The following HECW1 variants were observed in gnomAD, a reference collection of about 807,000 sequenced individuals.
HECW1 encodes the protein E3 ubiquitin-protein ligase HECW1.
HECW1 carries 61 observed loss-of-function variants against 182.3 expected under a neutral mutation model. The observed-to-expected ratio is 0.33, with a 90% CI of 0.27 to 0.41. The LOEUF is 0.41. Ranked by LOEUF, HECW1 falls within the 10% of genes least tolerant of loss-of-function variation. The probability of loss-of-function intolerance (pLI) is 1.00; values close to 1 mark genes in which losing one functional copy is unlikely to be tolerated. For synonymous variants in HECW1, 859 were observed against 832.6 expected (o/e 1.03, Z -0.55); for missense variants, 1,739 against 2,108.9 (o/e 0.82, Z 3.44).
At chr7:43,470,484 A>G (rs140364319) in intron 16 of HECW1, among the ~76,000 whole-genome samples, 128 of 152,314 alleles carry the variant, frequency 8.4e-4, no homozygotes, top group Admixed American at 1.3e-3. Flanking sequence ...TCCCAATGCA[A>G]TAAGCCCTAG....
intron 8 of HECW1, among the ~76,000 whole-genome samples, chr7:43,423,399 G>T (rs530162332): frequency 2.0e-5 from 3 of 152,188 alleles, no homozygotes; most frequent in Non-Finnish European, 4.4e-5. Context: ...TTCTGTTTAC[G>T]TGGGGTGGGA....
intron 3 of HECW1, among the ~76,000 whole-genome samples, chr7:43,263,701 A>T (rs1007475963): frequency 1.6e-4 from 25 of 152,156 alleles, no homozygotes; most frequent in African/African-American, 5.6e-4. Context: ...GAGAAATACT[A>T]GGAAACAGAG....
intron 3 of HECW1, among the ~76,000 whole-genome samples, chr7:43,263,725 G>A (rs995437099): frequency 1.3e-5 from 2 of 152,120 alleles, no homozygotes; most frequent in African/African-American, 4.8e-5. Context: ...AAGGGAGGGA[G>A]GAAGGTGGGA....
intron 2 of HECW1, among the ~76,000 whole-genome samples, chr7:43,171,175 G>T (rs1015540798): frequency 5.3e-5 from 8 of 152,132 alleles, no homozygotes; most frequent in Non-Finnish European, 1.0e-4. Flanking sequence ...TAAAATGCTT[G>T]ACTTTCTTAT....
chr7:43,284,107 C>G (rs533438833), intron 3 of HECW1, among the ~76,000 whole-genome samples: 1 of 152,094 alleles, frequency 6.6e-6, no homozygotes, highest in Non-Finnish European at 1.5e-5. Context: ...AAAGCAGGAC[C>G]GTGGGGCGGG....
chr7:43,147,874 A>G (rs6977016), intron 2 of HECW1, among the ~76,000 whole-genome samples: 68,103 of 151,760 alleles, frequency 0.45, 15,378 homozygotes, highest in African/African-American at 0.46. Context: ...GCATTGTTTT[A>G]CTAAACTTTA....
intron 4 of HECW1, among the ~76,000 whole-genome samples, chr7:43,315,928 A>G (rs1274691056): frequency 6.6e-6 from 1 of 152,166 alleles, no homozygotes; most frequent in African/African-American, 2.4e-5. Context: ...TGATGGGTGT[A>G]GGAGACCTGG....
At chr7:43,191,346 A>T (rs1448308460) in intron 2 of HECW1, among the ~76,000 whole-genome samples, 2 of 152,218 alleles carry the variant, frequency 1.3e-5, no homozygotes, top group African/African-American at 4.8e-5. Flanking sequence ...TAGCCAGCCT[A>T]TAGCTGTAGC....
chr7:43,294,219 C>T (rs1008918155), intron 3 of HECW1, among the ~76,000 whole-genome samples: 2 of 152,240 alleles, frequency 1.3e-5, no homozygotes, highest in African/African-American at 4.8e-5. Flanking sequence ...AAGGGTGCTG[C>T]ATCTCCTAGG....
intron 6 of HECW1, among the ~76,000 whole-genome samples, chr7:43,383,998 A>T (rs974244374): frequency 2.6e-4 from 40 of 152,178 alleles, no homozygotes; most frequent in African/African-American, 8.9e-4. Context: ...CATTACATTG[A>T]GTAGACTGAG....
chr7:43,157,841 A>T (rs1437653358), intron 2 of HECW1, among the ~76,000 whole-genome samples: 1 of 152,182 alleles, frequency 6.6e-6, no homozygotes, highest in Non-Finnish European at 1.5e-5. Flanking sequence ...GACTATAGGC[A>T]TGAGCCACCG....
chr7:43,448,045 G>C (rs1584939878), intron 11 of HECW1, among the ~76,000 whole-genome samples: 1 of 152,140 alleles, frequency 6.6e-6, no homozygotes, highest in East Asian at 1.9e-4. Context: ...TGAGGCAGGA[G>C]AATCACTTGA....
At chr7:43,321,224 C>T (rs867936591) in intron 5 of HECW1, among the ~76,000 whole-genome samples, 1 of 152,172 alleles carries the variant, frequency 6.6e-6, no homozygotes, top group African/African-American at 2.4e-5. Flanking sequence ...ACAGCTCCCC[C>T]GGAGGGCTGT....
At position 43,507,198 on chromosome 7, in the gene HECW1, C is replaced by G. The variant is rs747383735; in HGVS notation, c.3693C>G (p.Leu1231=). 1 of 1,614,078 alleles carries G rather than the reference C, an allele frequency of 6.2e-7. No homozygotes were observed. Among genetic ancestry groups the G allele is most frequent in the South Asian group, 1.1e-5 (1 of 91,078 alleles). ...ACCGAAGAGACTTTGAGGCCAAGCTCCGCAATTTCTACAGAAAACTGGAAG... is the reference window on the plus strand; with the variant it reads ...ACCGAAGAGACTTTGAGGCCAAGCTGCGCAATTTCTACAGAAAACTGGAAG... ...SPYRRDFEAK[L]RNFYRKLEAK... is the part of the protein sequence containing the mutation. The change falls in exon 22 of 30, where the codon CTC becomes CTG. Residue 1231 remains leucine (L), a synonymous_variant. Coordinates refer to ENST00000395891, the MANE Select transcript of HECW1 (RefSeq NM_015052.5).
chr7:43,293,006 T>C (rs1805588289), intron 3 of HECW1, among the ~76,000 whole-genome samples: 1 of 151,850 alleles, frequency 6.6e-6, no homozygotes, highest in Non-Finnish European at 1.5e-5. Flanking sequence ...GGGTGGATCA[T>C]GAGGTCAGGA....
chr7:43,462,977 C>T (rs550079269), intron 13 of HECW1, among the ~76,000 whole-genome samples: 41 of 152,274 alleles, frequency 2.7e-4, no homozygotes, highest in African/African-American at 9.4e-4. Context: ...TACATCTCGA[C>T]TGTGTGTGTT....
chr7:43,251,785 T>C (rs1800058962), intron 3 of HECW1, among the ~76,000 whole-genome samples: 1 of 152,232 alleles, frequency 6.6e-6, no homozygotes, highest in Admixed American at 6.5e-5. Flanking sequence ...TCTCAGACTC[T>C]TTCTTCCCCA....
At chr7:43,407,450 A>G in intron 7 of HECW1, 112 bp from the exon 8 acceptor site, 1 of 729,662 alleles carries the variant, frequency 1.4e-6, no homozygotes, top group Non-Finnish European at 2.2e-6. Context: ...GAGTAACACT[A>G]GAGATCTAGT....
chr7:43,547,156 T>C (rs1381286731), intron 26 of HECW1, among the ~76,000 whole-genome samples: 2 of 152,244 alleles, frequency 1.3e-5, no homozygotes, highest in African/African-American at 2.4e-5. Context: ...ACCTTCCTTT[T>C]GCTTTGAGTT....
Sources: allele counts gnomAD v4.1 joint callset (sites outside exome capture counted in the v4.1 genomes callset), GRCh38; gene constraint gnomAD v4.1.1; transcripts MANE v1.5; gene names NCBI Gene and HGNC (gene_info 2026-07-23, HGNC 2026-07-21).